JPH3: variants seen among roughly 807,000 people sequenced by gnomAD.
JPH3 encodes the protein junctophilin-3.
In JPH3, 11 loss-of-function variants were observed where a neutral mutation model predicts 59.6. The ratio of observed to expected loss-of-function variants is 0.18; its 90% CI spans 0.12 to 0.31. The LOEUF (loss-of-function observed/expected upper bound fraction) is 0.31. Among genes scored for constraint, JPH3 ranks in the 10% least tolerant of loss-of-function variants. JPH3 has a pLI of 1.00. For missense variants in JPH3, 1,202 were observed against 1,105.7 expected, an observed-to-expected ratio of 1.09 and a Z score of -1.24; for synonymous variants, 673 against 483.6, an observed-to-expected ratio of 1.39 and a Z score of -5.14.
chr16:87,636,888 T>C (rs2031767741), intron 1 of JPH3, among the ~76,000 whole-genome samples: 1 of 152,202 alleles, frequency 6.6e-6, no homozygotes, highest in Admixed American at 6.5e-5. Context: ...CTCCGAGATG[T>C]GACTGACCTT....
Position 87,651,972 on chromosome 16 carries a change from G to T in JPH3, c.1160+6937G>T, listed in dbSNP as rs527818777. On this transcript the variant is annotated intron_variant, in intron 2 of 4. Transcript: ENST00000284262. The stretch of plus-strand genomic sequence containing the variant: ...CATTGATGCAGCCAACATTGTTGTC[G>T]TTTTTTTTTTGTTTTGTTTTGAGAT... Among the ~76,000 whole-genome samples the T allele has an allele frequency of 1.4e-4, 21 of 149,490 alleles. No homozygotes were observed. The South Asian group carries it at 1.7e-3, about 12-fold the overall frequency.
rs146823623 is a variant in JPH3 at position 87,640,603 on chromosome 16, G to T, written c.383-3655G>T. Among the ~76,000 whole-genome samples the T allele has an allele frequency of 3.2e-3, 488 of 152,154 alleles. 5 individuals are homozygous for T. Among genetic ancestry groups the T allele is most frequent in the African/African-American group, 0.011 (450 of 41,518 alleles). Reference sequence around the variant, plus strand: ...AGACAGGATTTCACTATGTTGGCCAGCGTGGTCTCTAACTCCTGACTTCAG... The same window carrying T: ...AGACAGGATTTCACTATGTTGGCCATCGTGGTCTCTAACTCCTGACTTCAG... On this transcript the variant is annotated intron_variant, in intron 1 of 4. Transcript: ENST00000284262.
chr16:87,689,416 G>A (rs890977147), intron 3 of JPH3, among the ~76,000 whole-genome samples: 4 of 152,134 alleles, frequency 2.6e-5, no homozygotes, highest in African/African-American at 9.7e-5. Flanking sequence ...GTGGTGCCTG[G>A]GCCTAGCCAG....
intron 1 of JPH3, among the ~76,000 whole-genome samples, chr16:87,638,901 G>C (rs891407804): frequency 6.6e-6 from 1 of 152,106 alleles, no homozygotes; most frequent in East Asian, 1.9e-4. Context: ...CTCTCAGGAT[G>C]TGAAGTGTGG....
chr16:87,658,730 G>A (rs1488663758), intron 2 of JPH3, among the ~76,000 whole-genome samples: 2 of 152,232 alleles, frequency 1.3e-5, no homozygotes, highest in Non-Finnish European at 2.9e-5. Context: ...GGGTGGTCAA[G>A]AAGAGCTGCC....
chr16:87,679,799 T>A (rs2033240412), intron 2 of JPH3, among the ~76,000 whole-genome samples: 1 of 152,218 alleles, frequency 6.6e-6, no homozygotes. Context: ...CTCCAGGCAC[T>A]GGCCAGGGGC....
chr16:87,624,003 G>T (rs919882893), intron 1 of JPH3, among the ~76,000 whole-genome samples: 2 of 152,216 alleles, frequency 1.3e-5, no homozygotes, highest in Admixed American at 1.3e-4. Flanking sequence ...TCAGCTGGGA[G>T]GGGACAGGGT....
rs746834127 is a variant in JPH3 at position 87,644,505 on chromosome 16, G to A, written c.630G>A (p.Lys210=). The A allele has an allele frequency of 6.2e-7, 1 of 1,612,886 alleles. No individual in the cohort carries two copies. The highest frequency in any genetic ancestry group is 1.1e-5 in the South Asian group (1 of 91,066). ...GTGACTCCGAGATCCTCAAGAGCAA[G>A]AAGAAGGGGCTGTTTCGGCGCTCGC... ...AHSDSEILKS[K]KKGLFRRSLL... is the part of the protein sequence containing the mutation. Residue 210 remains lysine, a synonymous_variant, in exon 2 of 5, where the codon AAG becomes AAA. Transcript: ENST00000284262.
At chr16:87,684,598 T>G (rs1241662538) in intron 3 of JPH3, 1 of 315,058 alleles carries the variant, frequency 3.2e-6, no homozygotes, top group Non-Finnish European at 6.0e-6. Context: ...CCCAGTGTTG[T>G]TCTAGAACCT....
At chr16:87,612,358 C>G (rs970798201) in intron 1 of JPH3, among the ~76,000 whole-genome samples, 3 of 152,216 alleles carry the variant, frequency 2.0e-5, no homozygotes, top group Non-Finnish European at 4.4e-5. Flanking sequence ...CTCCTGAGCT[C>G]AAGCGATCCG....
intron 2 of JPH3, among the ~76,000 whole-genome samples, chr16:87,661,504 G>A (rs746572399): frequency 2.6e-5 from 4 of 152,252 alleles, no homozygotes; most frequent in Admixed American, 6.5e-5. Context: ...CTGGACTTTG[G>A]GGGTCCAGGA....
intron 1 of JPH3, among the ~76,000 whole-genome samples, chr16:87,609,996 A>G (rs1260439886): frequency 6.6e-6 from 1 of 152,214 alleles, no homozygotes; most frequent in East Asian, 1.9e-4. Context: ...TCCTACAACT[A>G]GACGGTCTCA....
rs1183683674 is a variant in JPH3 at position 87,644,726 on chromosome 16, C to A, written c.851C>A (p.Thr284Asn). 3 of 1,612,568 alleles carry A rather than the reference C, an allele frequency of 1.9e-6. No individual in the cohort carries two copies. The highest frequency in any genetic ancestry group is 2.5e-6 in the Non-Finnish European group (3 of 1,179,926). ...AVIEDDIDAT[T>N]TETYVGEWKN... The stretch of plus-strand genomic sequence containing the variant: ...ATCGAGGACGACATCGACGCCACCA[C>A]CACCGAGACCTACGTGGGCGAGTGG... Residue 284 changes from threonine (T) to asparagine (N), a missense_variant, in exon 2 of 5, where the codon ACC becomes AAC. Thr to Asn is a moderately conservative substitution (Grantham distance 65, BLOSUM62 0). Transcript: ENST00000284262.
In JPH3 at chr16:87,689,980, G is replaced by C; in HGVS notation, c.1620G>C (p.Arg540Ser). The change falls in exon 4 of 5, where the codon AGG (arginine) becomes AGC (serine). Residue 540 changes from arginine to serine, a missense_variant. Arg to Ser is a moderately radical substitution (Grantham distance 110). Transcript: ENST00000284262. The part of the protein sequence containing the change: ...SWGEEQAGGS[R>S]GVRSGALRGG... Reference sequence around the variant, plus strand: ...GCGAGGAGCAGGCCGGGGGCTCCAGGGGTGTCCGCAGCGGTGCCCTGCGCG... The same window carrying C: ...GCGAGGAGCAGGCCGGGGGCTCCAGCGGTGTCCGCAGCGGTGCCCTGCGCG... The C allele has an allele frequency of 1.3e-5, 19 of 1,472,262 alleles. No individual in the cohort carries two copies. Among genetic ancestry groups the C allele is most frequent in the Non-Finnish European group, 1.7e-5 (19 of 1,113,864 alleles). 91.2% of individuals were successfully genotyped at this position (1,472,262 alleles called of 1,614,324 possible).
At chr16:87,659,002 C>T (rs918676263) in intron 2 of JPH3, among the ~76,000 whole-genome samples, 19 of 152,208 alleles carry the variant, frequency 1.2e-4, no homozygotes, top group African/African-American at 3.4e-4. Context: ...CAGACCTGGG[C>T]GGTCACTTAG....
chr16:87,605,800 C>A (rs148236588), intron 1 of JPH3, among the ~76,000 whole-genome samples: 290 of 152,300 alleles, frequency 1.9e-3, no homozygotes, highest in Non-Finnish European at 3.2e-3. Context: ...GACCAAACCC[C>A]CCTCGTTCTT....
intron 1 of JPH3, among the ~76,000 whole-genome samples, chr16:87,615,433 G>T (rs562091986): frequency 1.3e-5 from 2 of 152,174 alleles, no homozygotes; most frequent in Admixed American, 6.5e-5. Context: ...CTCCCAGCTC[G>T]GCATGGACTT....
intron 2 of JPH3, among the ~76,000 whole-genome samples, chr16:87,649,818 C>T (rs2032273408): frequency 6.6e-6 from 1 of 152,216 alleles, no homozygotes; most frequent in Admixed American, 6.5e-5. Context: ...TTGGCTGCTT[C>T]TGCTGCGGGA....
At chr16:87,619,330 G>A (rs539802786) in intron 1 of JPH3, among the ~76,000 whole-genome samples, 34 of 128,702 alleles carry the variant, frequency 2.6e-4, no homozygotes, top group Non-Finnish European at 3.1e-4. Flanking sequence ...AAAAAAAAAA[G>A]AAGGATTATT....
Sources: gnomAD v4.1 joint callset for allele counts (sites outside exome capture counted in the v4.1 genomes callset) on GRCh38, gnomAD v4.1.1 for gene constraint, MANE v1.5 for transcripts, NCBI Gene and HGNC (gene_info 2026-07-23, HGNC 2026-07-21) for gene names.